Variants in MSI2 observed in about 807,000 individuals in gnomAD.
MSI2 encodes musashi RNA binding protein 2, also known as RNA-binding protein Musashi homolog 2.
A neutral mutation model predicts 45.6 loss-of-function variants in MSI2; 17 were observed. That is an observed-to-expected ratio of 0.37 (90% CI 0.26 to 0.56). MSI2 has a LOEUF of 0.56. MSI2 is among the 20% of genes least tolerant of loss of function. The probability of loss-of-function intolerance (pLI) is 0.77; values close to 1 mark genes in which losing one functional copy is unlikely to be tolerated. For missense variants in MSI2, 293 were observed against 444.2 expected (o/e 0.66, Z 3.06); for synonymous variants, 156 against 158.2 (o/e 0.99, Z 0.11).
intron 6 of MSI2, among the ~76,000 whole-genome samples, chr17:57,413,476 T>C (rs1166664155): frequency 6.6e-6 from 1 of 151,976 alleles, no homozygotes; most frequent in African/African-American, 2.4e-5. Context: ...ATCCTTCTGA[T>C]GAACACTCTT....
chr17:57,401,498 A>G, intron 6 of MSI2, 27 bp downstream of exon 6: 1 of 1,585,312 alleles, frequency 6.3e-7, no homozygotes, highest in Non-Finnish European at 8.7e-7. Flanking sequence ...GTTGGATGGC[A>G]CATGCCAGAA....
At chr17:57,347,329 C>A (rs548730600) in intron 5 of MSI2, among the ~76,000 whole-genome samples, 1 of 152,244 alleles carries the variant, frequency 6.6e-6, no homozygotes, top group African/African-American at 2.4e-5. Flanking sequence ...AATTATGAGA[C>A]CTGTATTCCA....
chr17:57,553,657 G>A (rs978714166), intron 7 of MSI2, among the ~76,000 whole-genome samples: 32 of 152,140 alleles, frequency 2.1e-4, no homozygotes, highest in African/African-American at 7.0e-4. Context: ...GATTCTCATC[G>A]CGGAGGGGCA....
intron 6 of MSI2, among the ~76,000 whole-genome samples, chr17:57,462,522 T>A (rs1393881087): frequency 6.6e-6 from 1 of 152,328 alleles, no homozygotes; most frequent in East Asian, 1.9e-4. Flanking sequence ...AACTCCTCTG[T>A]GTAGGCTGCA....
intron 6 of MSI2, among the ~76,000 whole-genome samples, chr17:57,419,661 A>G (rs1598246578): frequency 6.6e-6 from 1 of 152,066 alleles, no homozygotes; most frequent in Non-Finnish European, 1.5e-5. Flanking sequence ...GGCATGAGCC[A>G]CTGTGCCAGC....
At chr17:57,569,059 T>C (rs989019146) in intron 7 of MSI2, among the ~76,000 whole-genome samples, 9 of 151,702 alleles carry the variant, frequency 5.9e-5, no homozygotes, top group African/African-American at 1.9e-4. Flanking sequence ...ACATCTCTTT[T>C]GCAGTAAAGC....
chr17:57,271,884 A>G (rs1035792201), intron 5 of MSI2, among the ~76,000 whole-genome samples: 5 of 151,798 alleles, frequency 3.3e-5, no homozygotes, highest in African/African-American at 1.2e-4. Context: ...AGGCGCTATA[A>G]AAGTTTTTTT....
intron 5 of MSI2, among the ~76,000 whole-genome samples, chr17:57,297,330 T>G (rs142462150): frequency 3.3e-4 from 51 of 152,320 alleles, no homozygotes; most frequent in African/African-American, 1.2e-3. Context: ...AGATGATTTT[T>G]TGTGTGTCTT....
chr17:57,437,169 A>C (rs2084705133), intron 6 of MSI2, among the ~76,000 whole-genome samples: 1 of 152,152 alleles, frequency 6.6e-6, no homozygotes, highest in African/African-American at 2.4e-5. Flanking sequence ...CGTGATGCAT[A>C]TTTTTGGGCA....
intron 5 of MSI2, among the ~76,000 whole-genome samples, chr17:57,298,956 C>A (rs778553534): frequency 1.3e-5 from 2 of 152,230 alleles, no homozygotes; most frequent in African/African-American, 2.4e-5. Context: ...AATGTAGCCA[C>A]CTTCATCAGT....
At chr17:57,633,193 T>C in intron 10 of MSI2, 1 of 1,013,512 alleles carries the variant, frequency 9.9e-7, no homozygotes, top group Non-Finnish European at 1.2e-6. Context: ...ACATACTGTG[T>C]GCTGCCGTCT....
At chr17:57,575,354 A>G (rs1039065079) in intron 7 of MSI2, among the ~76,000 whole-genome samples, 2 of 152,146 alleles carry the variant, frequency 1.3e-5, no homozygotes, top group Non-Finnish European at 2.9e-5. Context: ...GCAAAACCAC[A>G]TTTGACACCG....
intron 5 of MSI2, among the ~76,000 whole-genome samples, chr17:57,328,313 TTATC>T (rs1402027966): frequency 2.5e-5 from 3 of 120,656 alleles, no homozygotes. Flanking sequence ...ATGCATCCAT[TTATC>T]CATCCATCCA....
At chr17:57,353,255 G>A (rs568101953) in intron 5 of MSI2, among the ~76,000 whole-genome samples, 71 of 152,308 alleles carry the variant, frequency 4.7e-4, no homozygotes, top group African/African-American at 1.6e-3. Flanking sequence ...GACCAAATGG[G>A]AGTGGGTTTT....
chr17:57,524,706 T>C (rs1367412381), intron 6 of MSI2, among the ~76,000 whole-genome samples: 1 of 152,218 alleles, frequency 6.6e-6, no homozygotes, highest in Non-Finnish European at 1.5e-5. Context: ...ACCATCATCA[T>C]TTTTAGGATT....
At chr17:57,555,263 A>G (rs9904521) in intron 7 of MSI2, among the ~76,000 whole-genome samples, 9,886 of 152,194 alleles carry the variant, frequency 0.065, 428 homozygotes, top group Middle Eastern at 0.11. Flanking sequence ...TCTGTTTCAG[A>G]CACCTATCCC....
At chr17:57,509,950 A>G (rs1489050225) in intron 6 of MSI2, among the ~76,000 whole-genome samples, 1 of 152,088 alleles carries the variant, frequency 6.6e-6, no homozygotes, top group East Asian at 1.9e-4. Flanking sequence ...TGCCACAATC[A>G]GTCACTGCAT....
intron 10 of MSI2, chr17:57,631,757 A>G (rs751850608): frequency 1.5e-5 from 24 of 1,565,682 alleles, no homozygotes; most frequent in Non-Finnish European, 2.0e-5. Context: ...TTTCAGTTTA[A>G]TCTGTTAATT....
intron 5 of MSI2, among the ~76,000 whole-genome samples, chr17:57,392,973 C>T (rs2083822655): frequency 6.6e-6 from 1 of 151,984 alleles, no homozygotes; most frequent in South Asian, 2.1e-4. Context: ...ATATGTGCAC[C>T]CATCACCACA....
Sources: gnomAD v4.1 joint callset for allele counts (sites outside exome capture counted in the v4.1 genomes callset) on GRCh38, gnomAD v4.1.1 for gene constraint, MANE v1.5 for transcripts, NCBI Gene and HGNC (gene_info 2026-07-23, HGNC 2026-07-21) for gene names.